The following ITPR2 variants were observed in gnomAD, a reference collection of about 807,000 sequenced individuals.
ITPR2 encodes inositol 1,4,5-trisphosphate-gated calcium channel ITPR2.
A neutral mutation model predicts 317.1 loss-of-function variants in ITPR2; 207 were observed. The observed-to-expected ratio is 0.65, with a 90% confidence interval of 0.58 to 0.73. The LOEUF (loss-of-function observed/expected upper bound fraction) is 0.73, where lower values mean the gene tolerates loss of function less well. ITPR2 is among the 30% of genes least tolerant of loss of function. The probability of loss-of-function intolerance (pLI) is 0.00; values close to 1 mark genes in which losing one functional copy is unlikely to be tolerated. For missense variants in ITPR2, 2,613 were observed against 3,284.0 expected (o/e 0.80, Z 4.99); for synonymous variants, 1,156 against 1,149.1 (o/e 1.01, Z -0.12).
intron 45 of ITPR2, among the ~76,000 whole-genome samples, chr12:26,455,507 T>A (rs1320833150): frequency 6.6e-6 from 1 of 152,188 alleles, no homozygotes; most frequent in Non-Finnish European, 1.5e-5. Context: ...GGGATTCAGA[T>A]CTGTTGAATT....
intron 45 of ITPR2, among the ~76,000 whole-genome samples, chr12:26,473,089 G>A (rs762252385): frequency 1.2e-4 from 18 of 152,108 alleles, no homozygotes; most frequent in Non-Finnish European, 7.4e-5. Flanking sequence ...GTTTCACCAT[G>A]TTAGCCAGGC....
At chr12:26,669,660 C>A (rs574804352) in intron 13 of ITPR2, among the ~76,000 whole-genome samples, 7 of 152,174 alleles carry the variant, frequency 4.6e-5, no homozygotes. Context: ...TCTGAGGTAC[C>A]GGGTTCATCT....
chr12:26,453,774 C>T (rs11048528), intron 45 of ITPR2, among the ~76,000 whole-genome samples: 3,665 of 152,244 alleles, frequency 0.024, 150 homozygotes, highest in East Asian at 0.2. Flanking sequence ...ACGTCCCCTC[C>T]CACATATTTC....
intron 30 of ITPR2, among the ~76,000 whole-genome samples, chr12:26,597,698 A>C (rs1945882817): frequency 6.6e-6 from 1 of 152,220 alleles, no homozygotes; most frequent in Non-Finnish European, 1.5e-5. Flanking sequence ...AGAAACAAAG[A>C]TATGAATAGG....
chr12:26,443,476 G>A (rs1360273416), intron 46 of ITPR2, 67 bp downstream of exon 46: 1 of 1,226,510 alleles, frequency 8.2e-7, no homozygotes, highest in African/African-American at 1.5e-5. Flanking sequence ...ATATGAAAAT[G>A]GTCTAAAATA....
In ITPR2 at chr12:26,432,934, C is replaced by T. The variant is rs184852331; in HGVS notation, c.6769+3287G>A. 1.6e-4 allele frequency among the ~76,000 whole-genome samples: 25 copies of T among 152,282 alleles called. 1 individual carries two copies. The highest frequency in any genetic ancestry group is 1.0e-3 in the South Asian group (5 of 4,820). ...ATCACTTCACAGTGGCCCTAGCATA[C>T]AGTCGTTCAGCCTGTTTGACCAAAT... is the stretch of plus-strand genomic sequence containing the variant. On this transcript the variant is annotated intron_variant, in intron 48 of 56. Transcript: ENST00000381340.
chr12:26,649,896 T>C (rs1422899911), intron 21 of ITPR2, among the ~76,000 whole-genome samples: 1 of 152,182 alleles, frequency 6.6e-6, no homozygotes, highest in Non-Finnish European at 1.5e-5. Context: ...AATCTGACTA[T>C]TTCTCCCAAT....
At chr12:26,382,317 C>T (rs2136619187) in intron 55 of ITPR2, among the ~76,000 whole-genome samples, 1 of 152,314 alleles carries the variant, frequency 6.6e-6, no homozygotes, top group African/African-American at 2.4e-5. Flanking sequence ...CCAGAAGATG[C>T]TCCATGTTAA....
At chr12:26,397,019 T>C (rs1940021941) in intron 54 of ITPR2, among the ~76,000 whole-genome samples, 1 of 152,090 alleles carries the variant, frequency 6.6e-6, no homozygotes, top group Non-Finnish European at 1.5e-5. Flanking sequence ...GGTAATGACC[T>C]CCTACCTGAT....
At chr12:26,500,827 T>C (rs983745906) in intron 37 of ITPR2, among the ~76,000 whole-genome samples, 3 of 152,172 alleles carry the variant, frequency 2.0e-5, no homozygotes, top group African/African-American at 7.2e-5. Context: ...TAAAATTTTG[T>C]TTCATTTTTG....
intron 48 of ITPR2, among the ~76,000 whole-genome samples, chr12:26,435,554 C>A (rs1231168233): frequency 1.3e-5 from 2 of 152,170 alleles, no homozygotes; most frequent in African/African-American, 4.8e-5. Flanking sequence ...CAAACTTATA[C>A]AAAACTTACT....
At chr12:26,443,457 T>C in intron 46 of ITPR2, 86 bp downstream of exon 46, 1 of 1,055,824 alleles carries the variant, frequency 9.5e-7, no homozygotes, top group Non-Finnish European at 1.4e-6. Context: ...ATCATTGCTC[T>C]AGAAAAAAAT....
chr12:26,676,717 A>C (rs1246810462), intron 13 of ITPR2, among the ~76,000 whole-genome samples: 15 of 152,054 alleles, frequency 9.9e-5, no homozygotes, highest in Admixed American at 9.8e-4. Context: ...AAAACTTTAG[A>C]AACTAAATTT....
In ITPR2 at chr12:26,733,472, A is replaced by G. The variant is rs549822247; in HGVS notation, c.164-7707T>C. ...CAAGATACATATACATATGTGCCAC[A>G]GTTATAATACTTAAAAAGAAACTAA... On this transcript the variant is annotated intron_variant, in intron 2 of 56. Coordinates refer to ENST00000381340, the MANE Select transcript of ITPR2 (RefSeq NM_002223.4). Among the ~76,000 whole-genome samples the G allele has an allele frequency of 3.3e-5, 5 of 152,338 alleles. No homozygotes were observed. The South Asian group carries it at 1.0e-3, about 32-fold the overall frequency.
chr12:26,661,694 A>G (rs973300534), intron 15 of ITPR2, among the ~76,000 whole-genome samples: 3 of 152,152 alleles, frequency 2.0e-5, no homozygotes, highest in African/African-American at 7.2e-5. Context: ...GTACGGGTGA[A>G]GTGGTGACCA....
At chr12:26,449,362 T>C (rs1329181733) in intron 45 of ITPR2, among the ~76,000 whole-genome samples, 3 of 152,182 alleles carry the variant, frequency 2.0e-5, no homozygotes, top group East Asian at 1.9e-4. Context: ...CGTATTCTAA[T>C]GTGCAAAATA....
chr12:26,764,725 C>A (rs1322505886), intron 2 of ITPR2, among the ~76,000 whole-genome samples: 1 of 149,022 alleles, frequency 6.7e-6, no homozygotes, highest in African/African-American at 2.4e-5. Context: ...AACAAAAAAA[C>A]TGTACAAAAG....
intron 2 of ITPR2, among the ~76,000 whole-genome samples, chr12:26,765,544 A>G (rs1949705568): frequency 6.6e-6 from 1 of 152,130 alleles, no homozygotes; most frequent in African/African-American, 2.4e-5. Context: ...TGGATGTAAT[A>G]ACATACAACA....
At chr12:26,426,465 G>C in intron 49 of ITPR2, among the ~76,000 whole-genome samples, 1 of 152,096 alleles carries the variant, frequency 6.6e-6, no homozygotes, top group Non-Finnish European at 1.5e-5. Context: ...TGTTAAAGTA[G>C]AGAAACATGG....
Sources: gnomAD v4.1 joint callset for allele counts (sites outside exome capture counted in the v4.1 genomes callset) on GRCh38, gnomAD v4.1.1 for gene constraint, MANE v1.5 for transcripts, NCBI Gene and HGNC (gene_info 2026-07-23, HGNC 2026-07-21) for gene names.